LRPPRC: variants seen among roughly 807,000 people sequenced by gnomAD.
LRPPRC encodes the protein leucine-rich PPR motif-containing protein, mitochondrial.
LRPPRC carries 120 observed loss-of-function variants against 180.3 expected under a neutral mutation model. That is an observed-to-expected ratio of 0.67 (90% confidence interval 0.57 to 0.77). The LOEUF (loss-of-function observed/expected upper bound fraction) is 0.77. Ranked by LOEUF, LRPPRC falls within the 30% of genes least tolerant of loss-of-function variation. LRPPRC has a pLI of 0.00. For missense variants in LRPPRC, 2,012 were observed against 1,657.2 expected (o/e 1.21, Z -3.72); for synonymous variants, 723 against 600.0 (o/e 1.21, Z -3.00).
chr2:43,969,232 G>A (rs1673694760), intron 11 of LRPPRC, among the ~76,000 whole-genome samples: 1 of 152,098 alleles, frequency 6.6e-6, no homozygotes, highest in Non-Finnish European at 1.5e-5. Flanking sequence ...CTAACACGGT[G>A]AAACCCCGTC....
intron 27 of LRPPRC, 109 bp from the exon 28 acceptor site, chr2:43,918,507 T>G (rs1358645948): frequency 1.1e-6 from 1 of 894,536 alleles, no homozygotes; most frequent in African/African-American, 1.7e-5. Context: ...TTATTCCAAA[T>G]GCTGCCTTTA....
At chr2:43,934,707 CAAG>C (rs1193255898) in intron 24 of LRPPRC, 44 bp downstream of exon 24, 1 of 1,564,594 alleles carries the variant, frequency 6.4e-7, no homozygotes, top group African/African-American at 1.5e-5. Flanking sequence ...ATTAAATCAG[CAAG>C]AAGGGAAAAA....
chr2:43,931,738 T>C (rs1165113817), intron 25 of LRPPRC, among the ~76,000 whole-genome samples: 3 of 152,112 alleles, frequency 2.0e-5, no homozygotes, highest in African/African-American at 7.2e-5. Flanking sequence ...ACAAGATAAA[T>C]GAAGCTCTTA....
At chr2:43,965,289 G>C (rs61595068) in intron 11 of LRPPRC, among the ~76,000 whole-genome samples, 24,144 of 152,156 alleles carry the variant, frequency 0.16, 2,092 homozygotes, top group Middle Eastern at 0.24. Flanking sequence ...TTGAACCCCT[G>C]ACCTCGTGAT....
Position 43,966,704 on chromosome 2 carries a change from G to A in LRPPRC, c.1370-2998C>T, listed in dbSNP as rs542563369. On this transcript the variant is annotated intron_variant, in intron 11 of 37. Transcript: ENST00000260665. Reference sequence around the variant, plus strand: ...ATTACAGGCATGAGCCACCACGCCCGGCCAATACAAAATTTTTAAAAAGGT... The same window carrying A: ...ATTACAGGCATGAGCCACCACGCCCAGCCAATACAAAATTTTTAAAAAGGT... Among the ~76,000 whole-genome samples the A allele has an allele frequency of 6.8e-3, 1,011 of 149,160 alleles. 10 individuals carry two copies. The highest frequency in any genetic ancestry group is 0.042 in the Middle Eastern group (12 of 288).
intron 23 of LRPPRC, among the ~76,000 whole-genome samples, chr2:43,940,904 A>C (rs1207393534): frequency 6.6e-6 from 1 of 152,204 alleles, no homozygotes; most frequent in Non-Finnish European, 1.5e-5. Context: ...CTTACAAAAG[A>C]AAATGTTTGA....
intron 1 of LRPPRC, among the ~76,000 whole-genome samples, chr2:43,983,295 C>T (rs1304816562): frequency 6.6e-6 from 1 of 151,422 alleles, no homozygotes; most frequent in African/African-American, 2.4e-5. Context: ...CTAGGCTGTA[C>T]CTTTTTTTAA....
chr2:43,899,365 C>T, intron 33 of LRPPRC, 31 bp from the exon 34 acceptor site: 2 of 1,606,658 alleles, frequency 1.2e-6, no homozygotes, highest in Non-Finnish European at 8.5e-7. Flanking sequence ...AAAAATCTTT[C>T]ATTAGAACAG....
intron 2 of LRPPRC, among the ~76,000 whole-genome samples, chr2:43,980,366 C>A (rs1017469389): frequency 6.6e-6 from 1 of 151,900 alleles, no homozygotes; most frequent in Admixed American, 6.6e-5. Flanking sequence ...CCAGCCTGAC[C>A]AACATGGAGA....
At position 43,950,571 on chromosome 2, in the gene LRPPRC, A is replaced by G; in HGVS notation, c.1677+2T>C. 6.2e-7 allele frequency: 1 copy of G among 1,613,116 alleles called. No individual in the cohort carries two copies. Among genetic ancestry groups the G allele is most frequent in the Non-Finnish European group, 8.5e-7 (1 of 1,179,116 alleles). On this transcript the variant is annotated splice_donor_variant, in intron 15 of 37. Transcript: ENST00000260665. LOFTEE classifies it high-confidence loss of function. ...ATGATTTGCAATATTAGAGGGACTT[A>G]CCTCGCTCCAAAGATTTATATTCAT...
At chr2:43,993,309 C>T (rs1177525340) in intron 1 of LRPPRC, among the ~76,000 whole-genome samples, 1 of 152,158 alleles carries the variant, frequency 6.6e-6, no homozygotes, top group African/African-American at 2.4e-5. Context: ...GTTCCCACCA[C>T]CCAGGTTTTG....
chr2:43,938,894 T>C (rs1572943760), intron 23 of LRPPRC, among the ~76,000 whole-genome samples: 1 of 106,436 alleles, frequency 9.4e-6, no homozygotes, highest in South Asian at 2.2e-4. Context: ...GTGACAACTA[T>C]CTATTTATCT....
rs775735922 is a variant in LRPPRC, at chr2:43,957,445, G to T, written c.1589C>A (p.Ser530Ter). The change falls in exon 14 of 38, where the codon TCA becomes TAA. Residue 530 changes from serine (S) to a stop codon, truncating the protein, a stop_gained. Coordinates refer to ENST00000260665, the MANE Select transcript of LRPPRC (RefSeq NM_133259.4). LOFTEE classifies it high-confidence loss of function. The part of the protein sequence containing the change: ...NLDFVLSFLK[S>*]NTLPISLQSI... ...CTGCAGCGAGATGGGCAATGTATTT[G>T]ATTTCACTGCAAAAGAAAATGACCA... The T allele has an allele frequency of 4.3e-6, 7 of 1,611,258 alleles. No individual in the cohort carries two copies. Among genetic ancestry groups the T allele is most frequent in the Non-Finnish European group, 5.9e-6 (7 of 1,177,488 alleles).
chr2:43,920,461 C>T (rs1273547997), intron 27 of LRPPRC, among the ~76,000 whole-genome samples: 1 of 152,094 alleles, frequency 6.6e-6, no homozygotes, highest in Admixed American at 6.6e-5. Flanking sequence ...ATACAGACTA[C>T]ATCGCAAGGA....
intron 14 of LRPPRC, among the ~76,000 whole-genome samples, chr2:43,956,889 CA>C (rs1288885944): frequency 6.6e-6 from 1 of 151,864 alleles, no homozygotes; most frequent in African/African-American, 2.4e-5. Flanking sequence ...GACTCCGTCT[CA>C]AAAAAATAAA....
In LRPPRC at chr2:43,974,291, T is replaced by C; in HGVS notation, c.1014A>G (p.Ala338=). 1 of 1,610,480 alleles carries C rather than the reference T, an allele frequency of 6.2e-7. No homozygotes were observed. The highest frequency in any genetic ancestry group is 1.1e-5 in the South Asian group (1 of 90,994). ...VTCERRYIPD[A]MNLILLLVTE... The stretch of plus-strand genomic sequence containing the variant: ...TGACTAAAAGTAAAATGAGGTTCAT[T>C]GCATCTGGGAAGAAAACAAAGACAT... The change falls in exon 9 of 38, where the codon GCA becomes GCG. Residue 338 remains alanine, a synonymous_variant. Coordinates refer to ENST00000260665, the MANE Select transcript of LRPPRC (RefSeq NM_133259.4).
At chr2:43,913,987 T>A (rs1357404590) in intron 29 of LRPPRC, among the ~76,000 whole-genome samples, 1 of 152,226 alleles carries the variant, frequency 6.6e-6, no homozygotes, top group Non-Finnish European at 1.5e-5. Context: ...AGACTTTTAT[T>A]TACTTATTAA....
intron 31 of LRPPRC, chr2:43,902,467 A>T (rs1019344900): frequency 6.6e-6 from 1 of 152,210 alleles, no homozygotes; most frequent in Non-Finnish European, 1.5e-5. Context: ...TCCAACTAAG[A>T]ACAGCTTAGT....
intron 31 of LRPPRC, chr2:43,903,047 A>G (rs1376613617): frequency 6.6e-6 from 1 of 152,218 alleles, no homozygotes; most frequent in African/African-American, 2.4e-5. Context: ...CGAAGATTCC[A>G]ATGATCCCAG....
Sources: gnomAD v4.1 joint callset for allele counts (sites outside exome capture counted in the v4.1 genomes callset) on GRCh38, gnomAD v4.1.1 for gene constraint, MANE v1.5 for transcripts, NCBI Gene and HGNC (gene_info 2026-07-23, HGNC 2026-07-21) for gene names.